Variants in APOBEC2 observed in about 807,000 individuals in gnomAD.
The protein encoded by APOBEC2 is C->U-editing enzyme APOBEC-2.
In APOBEC2, 14 loss-of-function variants were observed where a neutral mutation model predicts 19.4. The ratio of observed to expected loss-of-function variants is 0.72; its 90% confidence interval spans 0.48 to 1.13. The LOEUF is 1.13. Among genes scored for constraint, APOBEC2 ranks in the 50% most tolerant of loss-of-function variants. The probability of loss-of-function intolerance (pLI) is 0.00; values close to 1 mark genes in which losing one functional copy is unlikely to be tolerated. For synonymous variants in APOBEC2, 127 were observed against 112.1 expected (o/e 1.13, Z -0.84); for missense variants, 304 against 277.0 (o/e 1.10, Z -0.69).
In APOBEC2 at chr6:41,061,482, G is replaced by A; in HGVS notation, c.286G>A (p.Ala96Thr). The change falls in exon 2 of 3, where the codon GCT becomes ACT. Residue 96 changes from alanine (A) to threonine (T), a missense_variant. By Grantham distance (58) the Ala-to-Thr change is moderately conservative. Transcript: ENST00000244669. ...SRGYLEDEHA[A>T]AHAEEAFFNT... ...GGGATACCTAGAGGATGAGCATGCG[G>A]CTGCCCATGCAGAGGAAGCTTTCTT... 1.2e-6 allele frequency: 2 copies of A among 1,613,898 alleles called. No homozygotes were observed. The highest frequency in any genetic ancestry group is 1.7e-6 in the Non-Finnish European group (2 of 1,179,876).
At chr6:41,053,526 C>T in intron 1 of APOBEC2, 48 bp downstream of exon 1, 1 of 1,608,018 alleles carries the variant, frequency 6.2e-7, no homozygotes, top group Non-Finnish European at 8.5e-7. Context: ...AAGAGTGCAG[C>T]CTTGGGTTAG....
chr6:41,062,224 A>G (rs771591873), intron 2 of APOBEC2, among the ~76,000 whole-genome samples: 14 of 152,244 alleles, frequency 9.2e-5, no homozygotes, highest in Admixed American at 5.2e-4. Flanking sequence ...CACAGCAGAG[A>G]AGATACTGAA....
rs35586672 is a variant in APOBEC2, at chr6:41,061,156, C to CTT, written c.132-151_132-150dup. On this transcript the variant is annotated intron_variant, in intron 1 of 2. Transcript: ENST00000244669. The stretch of plus-strand genomic sequence containing the variant: ...ATAAACCCTTCTGGATTTTTTAATG[C>CTT]TTTTTTTTTTTTTTTTTTTTTTGTC... Among the ~76,000 whole-genome samples, 555 of 105,644 alleles carry CTT rather than the reference C, an allele frequency of 5.3e-3. 1 individual carries two copies. The highest frequency in any genetic ancestry group is 0.011 in the East Asian group (40 of 3,506). 69.3% of individuals were successfully genotyped at this position (105,644 alleles called of 152,430 possible).
rs577372312 is a variant in APOBEC2, at chr6:41,062,169, C to T, written c.*21+277C>T. Among the ~76,000 whole-genome samples the T allele has an allele frequency of 2.6e-5, 4 of 152,322 alleles. 1 individual carries two copies. The highest frequency in any genetic ancestry group is 9.6e-5 in the African/African-American group (4 of 41,562). ...CTAAAACTTTCATGAGGCAAGATGA[C>T]GTTCTTTGGTAAGATTTAGATGGTG... On this transcript the variant is annotated intron_variant, in intron 2 of 2. Coordinates refer to ENST00000244669, the MANE Select transcript of APOBEC2 (RefSeq NM_006789.4).
At chr6:41,057,367 G>A (rs555470319) in intron 1 of APOBEC2, among the ~76,000 whole-genome samples, 1 of 152,216 alleles carries the variant, frequency 6.6e-6, no homozygotes, top group East Asian at 1.9e-4. Flanking sequence ...CTTCCACAGA[G>A]GGTTGGGGGC....
intron 1 of APOBEC2, among the ~76,000 whole-genome samples, chr6:41,056,534 G>A (rs1055020742): frequency 6.6e-6 from 1 of 152,232 alleles, no homozygotes; most frequent in Admixed American, 6.5e-5. Context: ...CTTGTTGATG[G>A]AGTAGGATGT....
At chr6:41,058,181 A>C (rs1762820977) in intron 1 of APOBEC2, among the ~76,000 whole-genome samples, 1 of 138,396 alleles carries the variant, frequency 7.2e-6, no homozygotes, top group African/African-American at 2.8e-5. Context: ...ACACACACAC[A>C]CACACACGTT....
At chr6:41,063,774 T>C (rs903426972) in intron 2 of APOBEC2, among the ~76,000 whole-genome samples, 1 of 131,344 alleles carries the variant, frequency 7.6e-6, no homozygotes, top group Non-Finnish European at 1.6e-5. Flanking sequence ...TAAAGTGTCT[T>C]ATTTTACATA....
chr6:41,054,855 T>C (rs1762774699), intron 1 of APOBEC2, among the ~76,000 whole-genome samples: 1 of 152,180 alleles, frequency 6.6e-6, no homozygotes, highest in Non-Finnish European at 1.5e-5. Context: ...CACACACGCG[T>C]GTGCACACTA....
chr6:41,059,405 A>G (rs1371579045), intron 1 of APOBEC2, among the ~76,000 whole-genome samples: 4 of 152,174 alleles, frequency 2.6e-5, no homozygotes, highest in Admixed American at 2.0e-4. Context: ...CCAGGAAGTG[A>G]AGGGACCATT....
chr6:41,054,285 C>A (rs1330125350), intron 1 of APOBEC2, among the ~76,000 whole-genome samples: 1 of 152,186 alleles, frequency 6.6e-6, no homozygotes, highest in East Asian at 1.9e-4. Context: ...TAGTGGAAGA[C>A]CCTTCTAAAT....
chr6:41,055,575 T>C (rs968014964), intron 1 of APOBEC2, among the ~76,000 whole-genome samples: 2 of 152,138 alleles, frequency 1.3e-5, no homozygotes, highest in African/African-American at 4.8e-5. Flanking sequence ...TGGTCTCCTA[T>C]AGGGAAGATC....
intron 1 of APOBEC2, among the ~76,000 whole-genome samples, chr6:41,060,581 C>T (rs1185250964): frequency 6.6e-6 from 1 of 152,190 alleles, no homozygotes; most frequent in Non-Finnish European, 1.5e-5. Flanking sequence ...TTGGAGGTGA[C>T]TCAATACTAA....
intron 1 of APOBEC2, among the ~76,000 whole-genome samples, chr6:41,058,664 A>G (rs1365998880): frequency 6.6e-6 from 1 of 152,160 alleles, no homozygotes; most frequent in South Asian, 2.1e-4. Context: ...AGTTCCCTGG[A>G]GAAATTCCAG....
At chr6:41,063,709 C>A in intron 2 of APOBEC2, among the ~76,000 whole-genome samples, 1 of 147,196 alleles carries the variant, frequency 6.8e-6, no homozygotes, top group African/African-American at 2.5e-5. Flanking sequence ...TCTAAAAGCC[C>A]AAAAGAACAA....
intron 1 of APOBEC2, among the ~76,000 whole-genome samples, chr6:41,057,917 C>A (rs1762815167): frequency 6.6e-6 from 1 of 152,156 alleles, no homozygotes; most frequent in South Asian, 2.1e-4. Context: ...CTCTCTGTTT[C>A]CTCCCAAGTG....
chr6:41,063,316 A>G (rs1762903068), intron 2 of APOBEC2, among the ~76,000 whole-genome samples: 1 of 152,228 alleles, frequency 6.6e-6, no homozygotes, highest in Non-Finnish European at 1.5e-5. Context: ...GGTGAACAGT[A>G]GTCAAAACAG....
intron 1 of APOBEC2, among the ~76,000 whole-genome samples, chr6:41,059,181 T>C (rs1762843100): frequency 6.6e-6 from 1 of 152,152 alleles, no homozygotes; most frequent in Non-Finnish European, 1.5e-5. Context: ...AGCTGAGCTA[T>C]AGGGAGCTCC....
chr6:41,054,466 T>G (rs1270119233), intron 1 of APOBEC2, among the ~76,000 whole-genome samples: 1 of 152,094 alleles, frequency 6.6e-6, no homozygotes, highest in East Asian at 1.9e-4. Flanking sequence ...AAGCCCTGAG[T>G]GGCAATTTGG....
Sources: gnomAD v4.1 joint callset for allele counts (sites outside exome capture counted in the v4.1 genomes callset) on GRCh38, gnomAD v4.1.1 for gene constraint, MANE v1.5 for transcripts, NCBI Gene and HGNC (gene_info 2026-07-23, HGNC 2026-07-21) for gene names.